The following SPG7 variants were observed in gnomAD, a reference collection of about 807,000 sequenced individuals.
SPG7 encodes mitochondrial inner membrane m-AAA protease component paraplegin.
SPG7 carries 103 observed loss-of-function variants against 81.9 expected under a neutral mutation model. The observed-to-expected ratio is 1.26, with a 90% confidence interval of 1.07 to 1.48. SPG7 has a LOEUF of 1.48. Among genes scored for constraint, SPG7 ranks in the 40% most tolerant of loss-of-function variants. The probability of loss-of-function intolerance (pLI) is 0.00; values close to 1 mark genes in which losing one functional copy is unlikely to be tolerated. For synonymous variants in SPG7, 534 were observed against 444.2 expected (o/e 1.20, Z -2.54); for missense variants, 1,241 against 1,087.3 (o/e 1.14, Z -1.99).
In SPG7 at chr16:89,556,975, T is replaced by C. The variant is rs543969977; in HGVS notation, c.2270T>C (p.Met757Thr). 1.2e-6 allele frequency: 2 copies of C among 1,614,016 alleles called. No individual in the cohort carries two copies. The highest frequency in any genetic ancestry group is 1.1e-5 in the South Asian group (1 of 91,084). Residue 757 changes from methionine to threonine, a missense_variant, in exon 17 of 17, where the codon ATG becomes ACG. Coordinates refer to ENST00000645818, the MANE Select transcript of SPG7 (RefSeq NM_003119.4). Reference sequence around the variant, plus strand: ...CCGCCGCCCCATGGGCCGAAGAAAATGATCGCACCGCAGAGGTGGATCGAC... The same window carrying C: ...CCGCCGCCCCATGGGCCGAAGAAAACGATCGCACCGCAGAGGTGGATCGAC... ...IGPPPHGPKK[M>T]IAPQRWIDAQ...
intron 10 of SPG7, 46 bp from the exon 11 acceptor site, chr16:89,546,612 T>G (rs2058567475): frequency 1.6e-6 from 2 of 1,275,696 alleles, no homozygotes; most frequent in Non-Finnish European, 2.3e-6. Flanking sequence ...CCTGTGGCAG[T>G]AACTAGGCTT....
chr16:89,529,503 C>T lies in SPG7; in HGVS notation c.785C>T (p.Ala262Val). Residue 262 changes from alanine (A) to valine (V), a missense_variant, in exon 6 of 17, where the codon GCA becomes GTA. By Grantham distance (64) the Ala-to-Val change is moderately conservative (BLOSUM62 0). Coordinates refer to ENST00000645818, the MANE Select transcript of SPG7 (RefSeq NM_003119.4). ...GNALYSVGMT[A>V]VGLAILWYVF... ...GCCCTGTACTCTGTGGGGATGACGG[C>T]AGTGGGCCTGGCCATCCTGTGGTAT... 1 of 1,613,700 alleles carries T rather than the reference C, an allele frequency of 6.2e-7. No homozygotes were observed.
At chr16:89,550,091 G>A (rs2058615982) in intron 12 of SPG7, 1 of 318,202 alleles carries the variant, frequency 3.1e-6, no homozygotes, top group Non-Finnish European at 6.2e-6. Flanking sequence ...GATGTGCAGA[G>A]AGAGGCTTGC....
intron 9 of SPG7, chr16:89,537,532 C>CA: frequency 1.0e-6 from 1 of 988,358 alleles, no homozygotes; most frequent in Admixed American, 6.0e-5. Context: ...TTTTATGCTT[C>CA]GACTTTTTTT....
intron 9 of SPG7, chr16:89,541,931 TG>T (rs1431053561): frequency 6.6e-6 from 1 of 150,690 alleles, no homozygotes; most frequent in African/African-American, 2.5e-5. Context: ...GTGGCCACCC[TG>T]ATACATAGCG....
At chr16:89,514,861 C>T (rs975807422) in intron 3 of SPG7, among the ~76,000 whole-genome samples, 1 of 151,666 alleles carries the variant, frequency 6.6e-6, no homozygotes, top group Non-Finnish European at 1.5e-5. Flanking sequence ...AACTCCTGAC[C>T]TCAGGTGATT....
rs2058338867 is a variant in SPG7, at chr16:89,531,267, T to C, written c.987+459T>C. 7 of 283,560 alleles carry C rather than the reference T, an allele frequency of 2.5e-5. 1 individual carries two copies. In the Admixed American group the frequency reaches 3.2e-4, roughly 13 times the overall value. 17.6% of individuals were successfully genotyped at this position (283,560 alleles called of 1,614,324 possible). On this transcript the variant is annotated intron_variant, in intron 7 of 16. Transcript: ENST00000645818. ...GGCCTGGTACAGTGGGTCACGCCTG[T>C]AGTCCTGGCACCTCGGGGCGCTGAG...
chr16:89,529,635 A>T, intron 6 of SPG7, 56 bp downstream of exon 6: 1 of 1,307,402 alleles, frequency 7.6e-7, no homozygotes, highest in Non-Finnish European at 1.1e-6. Flanking sequence ...TTTGCTGAAT[A>T]CTTTTCCCAT....
intron 3 of SPG7, chr16:89,520,852 C>G (rs2058179028): frequency 6.6e-6 from 1 of 152,134 alleles, no homozygotes; most frequent in Non-Finnish European, 1.5e-5. Flanking sequence ...GCTGGAATTT[C>G]TTATGGTTCG....
chr16:89,553,279 TC>T, intron 14 of SPG7, 144 bp downstream of exon 14: 1 of 945,646 alleles, frequency 1.1e-6, no homozygotes, highest in South Asian at 1.4e-5. Flanking sequence ...TAAGTTGTGG[TC>T]ATAAGAGAGT....
chr16:89,530,536 C>A (rs143196415), intron 6 of SPG7, 147 bp from the exon 7 acceptor site: 2 of 859,646 alleles, frequency 2.3e-6, no homozygotes, highest in East Asian at 2.4e-5. Context: ...GACTGTGAGC[C>A]TCGTCAGCCT....
chr16:89,537,353 T>G (rs1411839509), intron 9 of SPG7: 2 of 1,157,456 alleles, frequency 1.7e-6, no homozygotes, highest in Non-Finnish European at 1.1e-6. Flanking sequence ...AGGTCCCGGC[T>G]CCTGTGCTGG....
At chr16:89,513,207 G>A (rs1186029238) in intron 3 of SPG7, among the ~76,000 whole-genome samples, 170 bp downstream of exon 3, 2 of 152,172 alleles carry the variant, frequency 1.3e-5, no homozygotes, top group Non-Finnish European at 2.9e-5. Flanking sequence ...AGGATCACTT[G>A]AGGCCTATAC....
intron 5 of SPG7, chr16:89,526,949 G>A (rs1014810106): frequency 1.8e-5 from 4 of 228,246 alleles, no homozygotes; most frequent in African/African-American, 4.8e-5. Flanking sequence ...AGCCCCCGAC[G>A]TAGGATGGCG....
intron 9 of SPG7, chr16:89,541,294 A>G (rs574528736): frequency 1.0e-6 from 1 of 985,538 alleles, no homozygotes; most frequent in East Asian, 1.1e-4. Context: ...ATGGTGTTCT[A>G]TGCAGCAGTA....
At chr16:89,546,821 C>CCCTCA in intron 11 of SPG7, 61 bp downstream of exon 11, 1 of 1,132,806 alleles carries the variant, frequency 8.8e-7, no homozygotes, top group Non-Finnish European at 1.3e-6. Flanking sequence ...GTGTCACCTG[C>CCCTCA]GCAAACAGCA....
chr16:89,556,492 C>T (rs992255026), intron 16 of SPG7: 1 of 307,262 alleles, frequency 3.3e-6, no homozygotes, highest in South Asian at 3.8e-5. Flanking sequence ...ACTTCCCCAA[C>T]TTGAGAGGTC....
chr16:89,526,108 C>G (rs2058256507), intron 4 of SPG7, among the ~76,000 whole-genome samples: 1 of 152,120 alleles, frequency 6.6e-6, no homozygotes, highest in Non-Finnish European at 1.5e-5. Context: ...CATCGTAGGT[C>G]AAGGAGCTTA....
chr16:89,537,100 G>C (rs990054678), intron 9 of SPG7: 8 of 1,509,988 alleles, frequency 5.3e-6, no homozygotes, highest in Middle Eastern at 2.3e-4. Context: ...TTTATGCAGA[G>C]CCACAGCTGT....
Sources: allele counts gnomAD v4.1 joint callset (sites outside exome capture counted in the v4.1 genomes callset), GRCh38; gene constraint gnomAD v4.1.1; transcripts MANE v1.5; gene names NCBI Gene and HGNC (gene_info 2026-07-23, HGNC 2026-07-21).